Variants in ITPK1 observed in about 807,000 individuals in gnomAD.
The protein encoded by ITPK1 is inositol 1,3,4-trisphosphate 5/6-kinase.
In ITPK1, 21 loss-of-function variants were observed where a neutral mutation model predicts 45.3. That is an observed-to-expected ratio of 0.46 (90% CI 0.33 to 0.67). The LOEUF (loss-of-function observed/expected upper bound fraction) is 0.67. Among genes scored for constraint, ITPK1 ranks in the 30% least tolerant of loss-of-function variants. The probability of loss-of-function intolerance (pLI) is 0.02; values close to 1 mark genes in which losing one functional copy is unlikely to be tolerated. For missense variants in ITPK1, 474 were observed against 573.5 expected (o/e 0.83, Z 1.77); for synonymous variants, 258 against 253.6 (o/e 1.02, Z -0.16).
chr14:93,108,830 T>A (rs1237746400), intron 2 of ITPK1, among the ~76,000 whole-genome samples: 1 of 152,214 alleles, frequency 6.6e-6, no homozygotes, highest in African/African-American at 2.4e-5. Context: ...CTGGCCAAGA[T>A]GGCGAAACCC....
intron 3 of ITPK1, among the ~76,000 whole-genome samples, chr14:93,043,430 C>T (rs1007680364): frequency 1.3e-5 from 2 of 152,090 alleles, no homozygotes; most frequent in African/African-American, 2.4e-5. Context: ...CAGAAAGCAC[C>T]GAACACATCC....
intron 2 of ITPK1, among the ~76,000 whole-genome samples, chr14:93,095,829 T>C (rs1013059098): frequency 6.6e-6 from 1 of 151,920 alleles, no homozygotes; most frequent in African/African-American, 2.4e-5. Flanking sequence ...TTCCCATCTA[T>C]AAGTAAGAAC....
intron 2 of ITPK1, among the ~76,000 whole-genome samples, chr14:93,099,636 T>C (rs1042636110): frequency 6.6e-6 from 1 of 152,094 alleles, no homozygotes; most frequent in Non-Finnish European, 1.5e-5. Context: ...ATAAGCCAGA[T>C]TCAGGTTTAA....
chr14:92,943,953 T>C (rs1039017943), intron 10 of ITPK1, among the ~76,000 whole-genome samples: 16 of 152,154 alleles, frequency 1.1e-4, no homozygotes, highest in African/African-American at 3.6e-4. Flanking sequence ...CTGGGCCCCA[T>C]CCAGCTCCAC....
At chr14:92,983,299 G>A (rs1032673950) in intron 5 of ITPK1, among the ~76,000 whole-genome samples, 3 of 152,082 alleles carry the variant, frequency 2.0e-5, no homozygotes, top group East Asian at 1.9e-4. Flanking sequence ...TCCAGCTCCC[G>A]CTCCCAAAAC....
chr14:92,957,032 G>C (rs1884772375), intron 8 of ITPK1, among the ~76,000 whole-genome samples: 1 of 152,226 alleles, frequency 6.6e-6, no homozygotes, highest in African/African-American at 2.4e-5. Context: ...TCCACGCTCT[G>C]CATGTGTCCA....
rs112808868 is a variant in ITPK1, at chr14:92,937,189, T to C, written c.*4372A>G. 5.3e-5 allele frequency: 8 copies of C among 152,276 alleles called. No individual in the cohort carries two copies. The highest frequency in any genetic ancestry group is 1.7e-4 in the African/African-American group (7 of 41,468). 9.4% of individuals were successfully genotyped at this position (152,276 alleles called of 1,614,324 possible). ...AGCCATGGTGTCTGTATCTCATACA[T>C]GGTCATGTATATTATGCATATGTAT... On this transcript the variant is annotated 3_prime_UTR_variant, in exon 11 of 11. Transcript: ENST00000267615.
intron 3 of ITPK1, among the ~76,000 whole-genome samples, chr14:93,043,374 C>T (rs1889644246): frequency 6.6e-6 from 1 of 152,250 alleles, no homozygotes; most frequent in African/African-American, 2.4e-5. Context: ...AAGCCGAAGA[C>T]AGCACAGTAG....
intron 2 of ITPK1, among the ~76,000 whole-genome samples, chr14:93,089,197 G>A (rs1891772853): frequency 6.6e-6 from 1 of 152,204 alleles, no homozygotes. Context: ...GACCTGAGGA[G>A]CAGCCCCTGA....
At chr14:92,996,567 A>C (rs1170087598) in intron 4 of ITPK1, among the ~76,000 whole-genome samples, 1 of 151,842 alleles carries the variant, frequency 6.6e-6, no homozygotes, top group East Asian at 1.9e-4. Context: ...TGTACCCTAG[A>C]ACTTAAATTT....
intron 5 of ITPK1, 59 bp downstream of exon 5, chr14:92,993,821 C>T: frequency 9.0e-7 from 1 of 1,106,570 alleles, no homozygotes; most frequent in Non-Finnish European, 1.4e-6. Flanking sequence ...AGGCCGTGGC[C>T]ACTTTGTGAC....
At chr14:93,050,845 C>G (rs1336010410) in intron 3 of ITPK1, among the ~76,000 whole-genome samples, 2 of 151,818 alleles carry the variant, frequency 1.3e-5, no homozygotes, top group Non-Finnish European at 2.9e-5. Flanking sequence ...TGTCACTGGC[C>G]CATCAGCAAG....
chr14:93,111,159 T>A (rs1426223393), intron 2 of ITPK1, among the ~76,000 whole-genome samples: 1 of 152,102 alleles, frequency 6.6e-6, no homozygotes. Flanking sequence ...TTCACCCAAA[T>A]TTTATATGGA....
At chr14:93,113,924 A>T (rs1453905921) in intron 2 of ITPK1, among the ~76,000 whole-genome samples, 1 of 152,214 alleles carries the variant, frequency 6.6e-6, no homozygotes, top group Non-Finnish European at 1.5e-5. Context: ...TGGGAAAGGC[A>T]TGAGGCACAC....
chr14:92,941,946 G>C, intron 10 of ITPK1, 42 bp from the exon 11 acceptor site: 23 of 1,562,412 alleles, frequency 1.5e-5, no homozygotes, highest in Non-Finnish European at 1.9e-5. Context: ...GTGAGCCAGG[G>C]GCACGCATCA....
chr14:93,055,467 A>G (rs1182830044), intron 3 of ITPK1, among the ~76,000 whole-genome samples: 2 of 149,268 alleles, frequency 1.3e-5, no homozygotes, highest in Non-Finnish European at 3.0e-5. Flanking sequence ...CGCCACCCAC[A>G]CTTCTTTCTG....
At chr14:93,005,018 G>A (rs1566729265) in intron 4 of ITPK1, among the ~76,000 whole-genome samples, 1 of 152,138 alleles carries the variant, frequency 6.6e-6, no homozygotes, top group Non-Finnish European at 1.5e-5. Context: ...AGCAGGAGAC[G>A]GACCAGCTGA....
At chr14:92,999,887 T>TC (rs1395892217) in intron 4 of ITPK1, among the ~76,000 whole-genome samples, 3 of 152,186 alleles carry the variant, frequency 2.0e-5, no homozygotes, top group Non-Finnish European at 4.4e-5. Flanking sequence ...CCGAAGGAAA[T>TC]CCCATTCCCT....
intron 3 of ITPK1, among the ~76,000 whole-genome samples, chr14:93,062,589 C>A (rs1236151826): frequency 2.0e-5 from 3 of 152,146 alleles, no homozygotes; most frequent in Admixed American, 2.0e-4. Flanking sequence ...ACAAGCTACA[C>A]AGGAGGCTCT....
Sources: gnomAD v4.1 joint callset for allele counts (sites outside exome capture counted in the v4.1 genomes callset) on GRCh38, gnomAD v4.1.1 for gene constraint, MANE v1.5 for transcripts, NCBI Gene and HGNC (gene_info 2026-07-23, HGNC 2026-07-21) for gene names.